The following ANKFY1 variants were observed in gnomAD, a reference collection of about 807,000 sequenced individuals.
ANKFY1 encodes ankyrin repeat and FYVE domain-containing protein 1.
In ANKFY1, 47 loss-of-function variants were observed where a neutral mutation model predicts 128.3. The observed-to-expected ratio is 0.37, with a 90% CI of 0.29 to 0.47. The LOEUF (loss-of-function observed/expected upper bound fraction) is 0.47. Ranked by LOEUF, ANKFY1 falls within the 20% of genes least tolerant of loss-of-function variation. The pLI is 1.00. For synonymous variants in ANKFY1, 553 were observed against 601.6 expected (o/e 0.92, Z 1.18); for missense variants, 1,222 against 1,510.6 (o/e 0.81, Z 3.17).
intron 4 of ANKFY1, among the ~76,000 whole-genome samples, chr17:4,213,730 C>T (rs752466907): frequency 6.6e-6 from 1 of 151,940 alleles, no homozygotes; most frequent in Non-Finnish European, 1.5e-5. Context: ...CCTGCCACCA[C>T]GCCCAGCTAA....
intron 7 of ANKFY1, among the ~76,000 whole-genome samples, chr17:4,200,202 C>T (rs2059903016): frequency 6.6e-6 from 1 of 151,990 alleles, no homozygotes; most frequent in Non-Finnish European, 1.5e-5. Context: ...GCTGGGACTA[C>T]AGGTGCACGC....
At chr17:4,248,993 A>T (rs1020265064) in intron 1 of ANKFY1, 1 of 328,586 alleles carries the variant, frequency 3.0e-6, no homozygotes, top group African/African-American at 2.2e-5. Flanking sequence ...TGAGTTAACA[A>T]AACATGCTTA....
chr17:4,215,924 C>CT (rs35158945), intron 4 of ANKFY1, among the ~76,000 whole-genome samples: 3 of 151,826 alleles, frequency 2.0e-5, no homozygotes, highest in African/African-American at 7.3e-5. Context: ...CCAAAACAAA[C>CT]AAACAAACAA....
At chr17:4,248,327 G>A (rs1043158140) in intron 1 of ANKFY1, among the ~76,000 whole-genome samples, 1 of 152,180 alleles carries the variant, frequency 6.6e-6, no homozygotes, top group Non-Finnish European at 1.5e-5. Flanking sequence ...CCTGTGAACC[G>A]CGCATGCGAG....
At chr17:4,170,129 G>GC (rs2142999479) in intron 23 of ANKFY1, among the ~76,000 whole-genome samples, 1 of 152,362 alleles carries the variant, frequency 6.6e-6, no homozygotes, top group South Asian at 2.1e-4. Flanking sequence ...TGCCCCCTGG[G>GC]CAGGTCCTGT....
intron 3 of ANKFY1, among the ~76,000 whole-genome samples, chr17:4,231,583 C>T (rs2060512740): frequency 6.6e-6 from 1 of 152,142 alleles, no homozygotes; most frequent in Admixed American, 6.6e-5. Flanking sequence ...AGGTATGATT[C>T]ATATATCCAA....
At chr17:4,191,313 C>T (rs564133384) in intron 10 of ANKFY1, 1 of 151,402 alleles carries the variant, frequency 6.6e-6, no homozygotes, top group South Asian at 2.1e-4. Flanking sequence ...TCTGGAGACG[C>T]CTAGTTGATG....
chr17:4,180,760 CAAAAAAAAAAAA>C (rs11392631), intron 16 of ANKFY1, among the ~76,000 whole-genome samples: 11 of 58,026 alleles, frequency 1.9e-4, no homozygotes, highest in Non-Finnish European at 2.7e-4. Flanking sequence ...GACTCTGTCT[CAAAAAAAAAAAA>C]AAAAAAAAAA....
At chr17:4,249,994 C>T (rs1195575273) in intron 1 of ANKFY1, among the ~76,000 whole-genome samples, 2 of 152,172 alleles carry the variant, frequency 1.3e-5, no homozygotes, top group African/African-American at 4.8e-5. Flanking sequence ...CTCTCTGTAG[C>T]CTCCGACTCT....
At chr17:4,235,340 C>CAAAAA (rs10677242) in intron 3 of ANKFY1, among the ~76,000 whole-genome samples, 12 of 116,728 alleles carry the variant, frequency 1.0e-4, no homozygotes, top group African/African-American at 4.0e-4. Flanking sequence ...GACTCTGTCT[C>CAAAAA]AAAAAAAAAA....
chr17:4,209,204 G>A lies in ANKFY1; in HGVS notation c.582+620C>T, dbSNP rs559435461. Among the ~76,000 whole-genome samples the A allele has an allele frequency of 1.1e-4, 16 of 152,372 alleles. No individual in the cohort carries two copies. In the South Asian group the frequency reaches 2.9e-3, roughly 28 times the overall value. On this transcript the variant is annotated intron_variant, in intron 5 of 24. Coordinates refer to ENST00000341657, the MANE Select transcript of ANKFY1 (RefSeq NM_001330063.2). ...GCTGAAGCTGCAGGGCCTGCTGGCC[G>A]TGGAGCCACACCCTACTCCTGCAGC... is the stretch of plus-strand genomic sequence containing the variant.
rs1211235356 is a variant in ANKFY1 at position 4,181,945 on chromosome 17, C to T, written c.2121+236G>A. On this transcript the variant is annotated intron_variant, in intron 15 of 24. Transcript: ENST00000341657. The surrounding 1 kb of genome is among the most constrained non-coding windows in gnomAD (Gnocchi z 4.9). ...CCCCAGGAGAAGGCTCCTGAGGAAA[C>T]GCCGCCATTCTCTTGCTTCTTGGTA... Among the ~76,000 whole-genome samples the T allele has an allele frequency of 6.6e-6, 1 of 152,160 alleles. No homozygotes were observed. Among genetic ancestry groups the T allele is most frequent in the East Asian group, 1.9e-4 (1 of 5,194 alleles).
chr17:4,223,822 A>G (rs2060371371), intron 3 of ANKFY1: 5 of 1,356,894 alleles, frequency 3.7e-6, no homozygotes, highest in Non-Finnish European at 5.2e-6. Context: ...CTGGGGGCCT[A>G]CGTCTGACTC....
intron 1 of ANKFY1, chr17:4,263,726 G>T: frequency 6.8e-7 from 1 of 1,480,106 alleles, no homozygotes. Flanking sequence ...CCGCGGGGTC[G>T]GCATCGCGGG....
chr17:4,263,631 C>T (rs1480221956), intron 1 of ANKFY1: 5 of 1,534,964 alleles, frequency 3.3e-6, no homozygotes, highest in Non-Finnish European at 4.4e-6. Context: ...CAATCAAGAG[C>T]CTCCCGTGCT....
rs539638900 is a variant in ANKFY1 at position 4,175,226 on chromosome 17, G to C, written c.2776-1170C>G. Among the ~76,000 whole-genome samples the C allele has an allele frequency of 9.9e-5, 15 of 151,676 alleles. 1 individual carries two copies. In the East Asian group the frequency reaches 2.6e-3, roughly 26 times the overall value. On this transcript the variant is annotated intron_variant, in intron 19 of 24. Transcript: ENST00000341657. ...TGTGCACCTGTAATCACAGCTACTC[G>C]GGAGGATGAGATGGGAGGATTGATT...
intron 7 of ANKFY1, among the ~76,000 whole-genome samples, chr17:4,203,606 G>A (rs2059970363): frequency 6.6e-6 from 1 of 151,870 alleles, no homozygotes; most frequent in African/African-American, 2.4e-5. Flanking sequence ...ACCTAAGGTT[G>A]GGAGTTCAAG....
In ANKFY1 at chr17:4,182,312, T is replaced by C; in HGVS notation, c.1990A>G (p.Arg664Gly). ...DGETALQLAI[R>G]NQLPLVVDAI... is the part of the protein sequence containing the mutation. ...TCAACTACGAGTGGAAGCTGGTTTCTGATGGCCAGCTGGAGGGCTGTCTCC... is the reference window on the plus strand; with the variant it reads ...TCAACTACGAGTGGAAGCTGGTTTCCGATGGCCAGCTGGAGGGCTGTCTCC... The change falls in exon 15 of 25, where the codon AGA (arginine) becomes GGA (glycine). Residue 664 changes from arginine (R) to glycine (G), a missense_variant. Physicochemically the swap from Arg to Gly is moderately radical, Grantham distance 125 (BLOSUM62 -2). Coordinates refer to ENST00000341657, the MANE Select transcript of ANKFY1 (RefSeq NM_001330063.2). The C allele has an allele frequency of 6.3e-7, 1 of 1,592,248 alleles. No individual in the cohort carries two copies. Among genetic ancestry groups the C allele is most frequent in the Non-Finnish European group, 8.6e-7 (1 of 1,168,290 alleles).
chr17:4,232,056 C>A (rs927890866), intron 3 of ANKFY1, among the ~76,000 whole-genome samples: 3 of 151,810 alleles, frequency 2.0e-5, no homozygotes, highest in African/African-American at 7.3e-5. Flanking sequence ...TAATTTTGTA[C>A]ACTTTGTATC....
Sources: gnomAD v4.1 joint callset for allele counts (sites outside exome capture counted in the v4.1 genomes callset) on GRCh38, gnomAD v4.1.1 for gene constraint, Gnocchi (gnomAD v3.1) non-coding constraint, MANE v1.5 for transcripts, NCBI Gene and HGNC (gene_info 2026-07-23, HGNC 2026-07-21) for gene names.